The following DOCK8 variants were observed in gnomAD, a reference collection of about 807,000 sequenced individuals.
The protein encoded by DOCK8 is dedicator of cytokinesis protein 8.
DOCK8 carries 141 observed loss-of-function variants against 245.6 expected under a neutral mutation model. That is an observed-to-expected ratio of 0.57 (90% CI 0.50 to 0.66). DOCK8 has a LOEUF of 0.66. Among genes scored for constraint, DOCK8 ranks in the 30% least tolerant of loss-of-function variants. DOCK8 has a pLI of 0.00. For missense variants in DOCK8, 2,965 were observed against 2,603.4 expected (o/e 1.14, Z -3.02); for synonymous variants, 1,168 against 970.2 (o/e 1.20, Z -3.79).
intron 30 of DOCK8, among the ~76,000 whole-genome samples, chr9:418,584 G>A (rs974807761): frequency 6.6e-6 from 1 of 152,292 alleles, no homozygotes; most frequent in Admixed American, 6.5e-5. Context: ...GTCATCTTCT[G>A]ATGGGAGAAC....
At chr9:220,717 CT>C (rs3046368) in intron 1 of DOCK8, 8,526 of 354,156 alleles carry the variant, frequency 0.024, 1 homozygote, top group Middle Eastern at 0.031. Flanking sequence ...TAATTTCTTT[CT>C]TTTTTTTTTT....
intron 4 of DOCK8, among the ~76,000 whole-genome samples, chr9:291,445 G>A (rs1254092936): frequency 3.9e-5 from 6 of 152,014 alleles, no homozygotes; most frequent in Admixed American, 3.3e-4. Context: ...ATATATTTGC[G>A]TGAAAACTAA....
At chr9:227,329 TGTA>T (rs1183964944) in intron 1 of DOCK8, among the ~76,000 whole-genome samples, 1 of 152,226 alleles carries the variant, frequency 6.6e-6, no homozygotes, top group African/African-American at 2.4e-5. Flanking sequence ...TTTAAGACGA[TGTA>T]GTAGACTGTA....
At chr9:306,482 G>A (rs115203300) in intron 5 of DOCK8, among the ~76,000 whole-genome samples, 2,189 of 152,284 alleles carry the variant, frequency 0.014, 63 homozygotes, top group African/African-American at 0.051. Context: ...AGGTATTTCA[G>A]CAGAAGAAAT....
intron 14 of DOCK8, among the ~76,000 whole-genome samples, chr9:342,240 G>A (rs1323355093): frequency 1.3e-5 from 2 of 151,214 alleles, no homozygotes; most frequent in African/African-American, 4.9e-5. Flanking sequence ...TGCTGCTCTA[G>A]GTGTTATATT....
chr9:284,105 A>G (rs2130242885), intron 2 of DOCK8, among the ~76,000 whole-genome samples: 1 of 152,286 alleles, frequency 6.6e-6, no homozygotes, highest in East Asian at 1.9e-4. Flanking sequence ...ATAATTTCCT[A>G]TAGAAGTCAT....
At chr9:336,464 G>A in intron 11 of DOCK8, 118 bp from the exon 12 acceptor site, 1 of 1,358,760 alleles carries the variant, frequency 7.4e-7, no homozygotes, top group Non-Finnish European at 1.0e-6. Context: ...TCAAAACAAG[G>A]ATGGCCATAT....
intron 1 of DOCK8, among the ~76,000 whole-genome samples, chr9:243,102 C>T (rs2047416242): frequency 1.3e-5 from 2 of 152,136 alleles, no homozygotes; most frequent in Admixed American, 1.3e-4. Flanking sequence ...TTTCCCCCAT[C>T]ACTTTATCAA....
intron 26 of DOCK8, among the ~76,000 whole-genome samples, chr9:403,962 A>ATATATATATG (rs2055281177): frequency 1.7e-4 from 11 of 66,174 alleles, no homozygotes; most frequent in Non-Finnish European, 2.3e-4. Flanking sequence ...ATATATATGT[A>ATATATATATG]TATATATATA....
At chr9:287,174 AG>A (rs1288625544) in intron 3 of DOCK8, among the ~76,000 whole-genome samples, 1 of 152,212 alleles carries the variant, frequency 6.6e-6, no homozygotes, top group Non-Finnish European at 1.5e-5. Context: ...CCTCCTTTAA[AG>A]AAAGTGTCAT....
intron 26 of DOCK8, among the ~76,000 whole-genome samples, chr9:400,201 ACCACCACC>A: frequency 9.3e-6 from 1 of 107,866 alleles, no homozygotes; most frequent in Non-Finnish European, 2.0e-5. Context: ...CATCACCATC[ACCACCACC>A]TCCACTATCA....
At chr9:390,424 A>G (rs759621590) in intron 23 of DOCK8, 47 bp from the exon 24 acceptor site, 6 of 1,542,464 alleles carry the variant, frequency 3.9e-6, no homozygotes, top group Admixed American at 1.7e-5. Context: ...GTTGGTGAAT[A>G]ATAATAGCCT....
chr9:362,232 T>C (rs1324698962), intron 14 of DOCK8, among the ~76,000 whole-genome samples: 1 of 152,234 alleles, frequency 6.6e-6, no homozygotes, highest in Non-Finnish European at 1.5e-5. Context: ...GAATGGCCGA[T>C]GCATACGCAT....
At chr9:238,746 C>T (rs892304110) in intron 1 of DOCK8, among the ~76,000 whole-genome samples, 8 of 152,072 alleles carry the variant, frequency 5.3e-5, no homozygotes, top group Admixed American at 3.3e-4. Flanking sequence ...AAATAAAGAC[C>T]AAAAGACTCC....
chr9:461,527 ATTTTTTTTTTTTTT>A (rs530827485), intron 46 of DOCK8, among the ~76,000 whole-genome samples: 1 of 67,264 alleles, frequency 1.5e-5, no homozygotes, highest in African/African-American at 6.9e-5. Context: ...TAGCAACTGC[ATTTTTTTTTTTTTT>A]TTTTTTTTTT....
At chr9:236,939 C>G (rs984952481) in intron 1 of DOCK8, among the ~76,000 whole-genome samples, 3 of 152,248 alleles carry the variant, frequency 2.0e-5, no homozygotes, top group Admixed American at 2.0e-4. Flanking sequence ...CTTCTACTCA[C>G]ACTTCCCTGG....
chr9:340,291 G>T lies in DOCK8; in HGVS notation c.1649G>T (p.Arg550Leu). The T allele has an allele frequency of 6.2e-7, 1 of 1,614,058 alleles. No individual in the cohort carries two copies. Among genetic ancestry groups the T allele is most frequent in the Non-Finnish European group, 8.5e-7 (1 of 1,179,994 alleles). The part of the protein sequence containing the change: ...PHKEILEFPT[R>L]EVYVPHTVYR... ...AAAGAGATTTTGGAATTTCCAACAC[G>T]AGAAGTATATGTCCCTCACACTGTG... Residue 550 changes from arginine (R) to leucine (L), a missense_variant, in exon 14 of 48, where the codon CGA becomes CTA. Physicochemically the swap from Arg to Leu is moderately radical, Grantham distance 102 (BLOSUM62 -2). Around this residue, in one of 3 missense-constraint regions of DOCK8, gnomAD observed 2,825 missense variants for 2,453.5 expected, o/e 1.15. Coordinates refer to ENST00000432829, the MANE Select transcript of DOCK8 (RefSeq NM_203447.4).
chr9:350,921 G>C (rs1403964270), intron 14 of DOCK8, among the ~76,000 whole-genome samples: 1 of 152,148 alleles, frequency 6.6e-6, no homozygotes, highest in East Asian at 1.9e-4. Context: ...GGGTGGCAGA[G>C]ATTCATACCC....
rs766901544 is a variant in DOCK8 at position 370,297 on chromosome 9, A to G, written c.1865A>G (p.Asn622Ser). 16 of 1,613,840 alleles carry G rather than the reference A, an allele frequency of 9.9e-6. No individual in the cohort carries two copies. In the Admixed American group the frequency reaches 2.0e-4, roughly 20 times the overall value. Reference sequence around the variant, plus strand: ...GTGTACACAGCTGTTACATACCATAATAAGTAAGTCTATTTCAGCATTCTA... The same window carrying G: ...GTGTACACAGCTGTTACATACCATAGTAAGTAAGTCTATTTCAGCATTCTA... ...QEVYTAVTYH[N>S]KSPDFYEEVK... Residue 622 changes from asparagine to serine, a missense_variant, in exon 16 of 48, where the codon AAT (asparagine) becomes AGT (serine). Physicochemically the swap from Asn to Ser is conservative, Grantham distance 46 (BLOSUM62 1). Around this residue, in one of 3 missense-constraint regions of DOCK8, gnomAD observed 2,825 missense variants for 2,453.5 expected, o/e 1.15. Coordinates refer to ENST00000432829, the MANE Select transcript of DOCK8 (RefSeq NM_203447.4).
Sources: gnomAD v4.1 joint callset for allele counts (sites outside exome capture counted in the v4.1 genomes callset) on GRCh38, gnomAD v4.1.1 for gene constraint, gnomAD v4.1.1 regional missense constraint, MANE v1.5 for transcripts, NCBI Gene and HGNC (gene_info 2026-07-23, HGNC 2026-07-21) for gene names.